The following TMEM163 variants were observed in gnomAD, a reference collection of about 807,000 sequenced individuals.
TMEM163 encodes transmembrane protein 163.
Under a neutral mutation model 29.3 loss-of-function variants are expected in TMEM163, and 17 were observed. The ratio of observed to expected loss-of-function variants is 0.58; its 90% confidence interval spans 0.40 to 0.87. The LOEUF is 0.87. Ranked by LOEUF, TMEM163 falls within the 40% of genes least tolerant of loss-of-function variation. TMEM163 has a pLI of 0.00. For missense variants in TMEM163, 303 were observed against 381.5 expected (o/e 0.79, Z 1.71); for synonymous variants, 157 against 160.6 (o/e 0.98, Z 0.17).
chr2:134,617,995 T>C (rs1309223039), intron 2 of TMEM163, among the ~76,000 whole-genome samples: 2 of 152,116 alleles, frequency 1.3e-5, no homozygotes, highest in Admixed American at 6.5e-5. Context: ...GCATCTGTGG[T>C]CCTAGCTGCT....
At chr2:134,701,745 C>T (rs1684708527) in intron 2 of TMEM163, among the ~76,000 whole-genome samples, 1 of 151,854 alleles carries the variant, frequency 6.6e-6, no homozygotes, top group Admixed American at 6.6e-5. Flanking sequence ...CGGTAAAACC[C>T]CATCTCTACT....
chr2:134,668,266 T>C (rs757717484), intron 2 of TMEM163, among the ~76,000 whole-genome samples: 2 of 151,836 alleles, frequency 1.3e-5, no homozygotes, highest in Non-Finnish European at 2.9e-5. Context: ...AAGCCCACAG[T>C]TCTCATCAGC....
intron 3 of TMEM163, 89 bp from the exon 4 acceptor site, chr2:134,550,750 A>C: frequency 8.0e-7 from 1 of 1,242,378 alleles, no homozygotes; most frequent in Non-Finnish European, 1.2e-6. Flanking sequence ...GTGACTCAGA[A>C]CATCTGCATG....
chr2:134,632,961 T>C (rs1408471438), intron 2 of TMEM163, among the ~76,000 whole-genome samples: 2 of 147,768 alleles, frequency 1.4e-5, no homozygotes, highest in African/African-American at 5.0e-5. Flanking sequence ...GGTTTCACCA[T>C]GTTAGCCGGG....
intron 5 of TMEM163, among the ~76,000 whole-genome samples, chr2:134,481,228 G>A (rs1032690481): frequency 1.1e-4 from 16 of 152,032 alleles, no homozygotes; most frequent in South Asian, 6.2e-4. Context: ...GCCCTCCCCC[G>A]ACAGGTTTAT....
chr2:134,663,804 C>T (rs1385913129), intron 2 of TMEM163, among the ~76,000 whole-genome samples: 1 of 152,238 alleles, frequency 6.6e-6, no homozygotes, highest in East Asian at 1.9e-4. Context: ...AAAGCCAGGA[C>T]CCTCCACATC....
chr2:134,470,356 CA>C (rs35003964), intron 5 of TMEM163, among the ~76,000 whole-genome samples: 474 of 91,346 alleles, frequency 5.2e-3, no homozygotes, highest in African/African-American at 0.017. Context: ...GACTCCGTCT[CA>C]AAAAAAAAAA....
At chr2:134,464,793 C>T (rs1686626545) in intron 6 of TMEM163, among the ~76,000 whole-genome samples, 1 of 152,104 alleles carries the variant, frequency 6.6e-6, no homozygotes, top group South Asian at 2.1e-4. Flanking sequence ...AGTCCCACCA[C>T]CTCTGCAGAT....
intron 4 of TMEM163, among the ~76,000 whole-genome samples, chr2:134,533,725 T>C (rs972769384): frequency 7.2e-5 from 11 of 152,004 alleles, no homozygotes; most frequent in Admixed American, 2.6e-4. Context: ...CTCCTACTGC[T>C]CCTATAATCA....
At chr2:134,717,454 G>A (rs1290248308) in intron 1 of TMEM163, among the ~76,000 whole-genome samples, 1 of 152,126 alleles carries the variant, frequency 6.6e-6, no homozygotes, top group Non-Finnish European at 1.5e-5. Context: ...GAGCATCTAG[G>A]CGGATTCTCT....
chr2:134,567,352 T>C (rs770800793), intron 2 of TMEM163, among the ~76,000 whole-genome samples: 1 of 152,088 alleles, frequency 6.6e-6, no homozygotes, highest in Non-Finnish European at 1.5e-5. Context: ...TCACCACTTA[T>C]ACAGTTACAA....
intron 6 of TMEM163, chr2:134,458,537 G>A (rs1041846003): frequency 4.7e-6 from 1 of 212,626 alleles, no homozygotes; most frequent in African/African-American, 2.2e-5. Flanking sequence ...CAGGCTCACA[G>A]TAGACATTCA....
chr2:134,576,987 C>T (rs1382877813), intron 2 of TMEM163, among the ~76,000 whole-genome samples: 1 of 152,162 alleles, frequency 6.6e-6, no homozygotes, highest in Non-Finnish European at 1.5e-5. Context: ...TATTGTCTGC[C>T]ATGTTCCGAT....
At position 134,718,963 on chromosome 2, in the gene TMEM163, G is replaced by GCGACGA. The variant is rs751601796; in HGVS notation, c.-34_-29dup. On this transcript the variant is annotated 5_prime_UTR_variant, in exon 1 of 8. Coordinates refer to ENST00000281924, the MANE Select transcript of TMEM163 (RefSeq NM_030923.5). ...CGCGGGGCTGCGGATCCCGGCGGCG[G>GCGACGA]CGACGACAAGCGCGGCGGGGACTCG... 3.9e-6 allele frequency: 4 copies of GCGACGA among 1,025,966 alleles called. No homozygotes were observed. The highest frequency in any genetic ancestry group is 1.7e-5 in the African/African-American group (1 of 57,744). 63.6% of individuals were successfully genotyped at this position (1,025,966 alleles called of 1,614,324 possible). A position where few individuals can be genotyped will look rare whatever the true frequency, so the allele number is the denominator to read the frequency against.
chr2:134,593,223 G>C (rs1428245050), intron 2 of TMEM163, among the ~76,000 whole-genome samples: 1 of 152,144 alleles, frequency 6.6e-6, no homozygotes, highest in Non-Finnish European at 1.5e-5. Context: ...GGGAGGGAAG[G>C]GGGAGATGGC....
chr2:134,638,923 C>T lies in TMEM163; in HGVS notation c.322+74277G>A, dbSNP rs114006697. Among the ~76,000 whole-genome samples, 989 of 152,260 alleles carry T rather than the reference C, an allele frequency of 6.5e-3. 17 individuals carry two copies. Among genetic ancestry groups the T allele is most frequent in the African/African-American group, 0.023 (952 of 41,538 alleles). ...CAGTGGCTGAAAATGTGTCATGGAACTCAGAAGGGACAGGAATGGGAACAG... is the reference window on the plus strand; with the variant it reads ...CAGTGGCTGAAAATGTGTCATGGAATTCAGAAGGGACAGGAATGGGAACAG... On this transcript the variant is annotated intron_variant, in intron 2 of 7. Transcript: ENST00000281924.
At chr2:134,622,844 C>T (rs892810474) in intron 2 of TMEM163, among the ~76,000 whole-genome samples, 4 of 152,046 alleles carry the variant, frequency 2.6e-5, no homozygotes, top group African/African-American at 7.2e-5. Flanking sequence ...CTCACTGCAA[C>T]CTCCGCCTAC....
intron 5 of TMEM163, chr2:134,470,027 T>C (rs1179854065): frequency 6.6e-6 from 1 of 152,206 alleles, no homozygotes; most frequent in Non-Finnish European, 1.5e-5. Flanking sequence ...CTGCATCACT[T>C]AGAGGGGTTT....
At chr2:134,568,555 G>GAAAGAAAAGAAGGAAAAGAA (rs746011763) in intron 2 of TMEM163, among the ~76,000 whole-genome samples, 7 of 90,736 alleles carry the variant, frequency 7.7e-5, no homozygotes, top group East Asian at 2.8e-4. Context: ...GAAAGAAAAA[G>GAAAGAAAAGAAGGAAAAGAA]AAAGAAAAGA....
Sources: allele counts gnomAD v4.1 joint callset (sites outside exome capture counted in the v4.1 genomes callset), GRCh38; gene constraint gnomAD v4.1.1; transcripts MANE v1.5; gene names NCBI Gene and HGNC (gene_info 2026-07-23, HGNC 2026-07-21).